The following SRGAP1 variants were observed in gnomAD, a reference collection of about 807,000 sequenced individuals.
SRGAP1 encodes the protein SLIT-ROBO Rho GTPase-activating protein 1.
Under a neutral mutation model 121.9 loss-of-function variants are expected in SRGAP1, and 43 were observed. The ratio of observed to expected loss-of-function variants is 0.35; its 90% CI spans 0.28 to 0.46. The LOEUF is 0.46. Among genes scored for constraint, SRGAP1 ranks in the 20% least tolerant of loss-of-function variants. The probability of loss-of-function intolerance (pLI) is 1.00; values close to 1 mark genes in which losing one functional copy is unlikely to be tolerated. For synonymous variants in SRGAP1, 447 were observed against 485.4 expected (o/e 0.92, Z 1.04); for missense variants, 1,102 against 1,350.9 (o/e 0.82, Z 2.89).
Position 64,108,935 on chromosome 12 carries a change from T to G in SRGAP1, c.1817T>G (p.Ile606Arg). ...CCATGTCATCTTCTGTCTGTAGGAA[T>G]AGATAATCTCTATGAGAGGGCGCTT... The part of the protein sequence containing the change: ...RFNDLISCIR[I>R]DNLYERALHI... The change falls in exon 16 of 22, where the codon ATA (isoleucine) becomes AGA (arginine). Residue 606 changes from isoleucine to arginine, a missense_variant. Ile to Arg is a moderately conservative substitution (Grantham distance 97, BLOSUM62 -3). Transcript: ENST00000355086. The G allele has an allele frequency of 6.3e-7, 1 of 1,594,236 alleles. No individual in the cohort carries two copies. Among genetic ancestry groups the G allele is most frequent in the Non-Finnish European group, 8.6e-7 (1 of 1,166,794 alleles).
Position 63,938,778 on chromosome 12 carries a change from G to A in SRGAP1, c.68-45169G>A, listed in dbSNP as rs559070795. ...TTCCAGCCTGAAATTCCTTTAAGTTGAATGAAAATTGACCTTAAAGGCATA... is the reference window on the plus strand; with the variant it reads ...TTCCAGCCTGAAATTCCTTTAAGTTAAATGAAAATTGACCTTAAAGGCATA... On this transcript the variant is annotated intron_variant, in intron 1 of 21. Coordinates refer to ENST00000355086, the MANE Select transcript of SRGAP1 (RefSeq NM_020762.4). Among the ~76,000 whole-genome samples the A allele has an allele frequency of 1.3e-4, 19 of 150,082 alleles. No homozygotes were observed. The South Asian group carries it at 3.8e-3, about 30-fold the overall frequency.
chr12:63,959,593 T>A (rs2032577713), intron 1 of SRGAP1, among the ~76,000 whole-genome samples: 1 of 152,198 alleles, frequency 6.6e-6, no homozygotes, highest in African/African-American at 2.4e-5. Context: ...GGGTTTTTTT[T>A]AAACTGTTAA....
intron 1 of SRGAP1, among the ~76,000 whole-genome samples, chr12:63,864,036 T>A (rs562404804): frequency 6.6e-6 from 1 of 152,366 alleles, no homozygotes; most frequent in Admixed American, 6.5e-5. Flanking sequence ...ATATTTCCAC[T>A]AAGGTTTCAG....
rs79896147 is a variant in SRGAP1 at position 64,011,913 on chromosome 12, G to A, written c.427-5037G>A. ...GGCAGATCACTTGAGCCCAGCCTGGGCAACATGGCAAAACCCTCTCTACAT... is the reference window on the plus strand; with the variant it reads ...GGCAGATCACTTGAGCCCAGCCTGGACAACATGGCAAAACCCTCTCTACAT... On this transcript the variant is annotated intron_variant, in intron 3 of 21. Coordinates refer to ENST00000355086, the MANE Select transcript of SRGAP1 (RefSeq NM_020762.4). 6.9e-3 allele frequency among the ~76,000 whole-genome samples: 1,042 copies of A among 152,044 alleles called. 11 individuals are homozygous for A. Among genetic ancestry groups the A allele is most frequent in the African/African-American group, 0.024 (975 of 41,364 alleles).
At chr12:64,058,494 G>A (rs979969621) in intron 6 of SRGAP1, among the ~76,000 whole-genome samples, 1 of 152,036 alleles carries the variant, frequency 6.6e-6, no homozygotes, top group African/African-American at 2.4e-5. Flanking sequence ...TGTCTTGACA[G>A]GTTTTCAGAT....
intron 1 of SRGAP1, among the ~76,000 whole-genome samples, chr12:63,934,679 A>G (rs2031600787): frequency 6.6e-6 from 1 of 152,146 alleles, no homozygotes; most frequent in Non-Finnish European, 1.5e-5. Flanking sequence ...CTCCATAAAT[A>G]TCCATAGACT....
At chr12:64,036,999 T>C (rs1301107448) in intron 4 of SRGAP1, among the ~76,000 whole-genome samples, 1 of 152,234 alleles carries the variant, frequency 6.6e-6, no homozygotes, top group East Asian at 1.9e-4. Flanking sequence ...CTGAAGACTC[T>C]GAATGAAGAG....
In SRGAP1 at chr12:64,077,547, C is replaced by G. The variant is rs140468810; in HGVS notation, c.1126-1372C>G. 2.4e-3 allele frequency among the ~76,000 whole-genome samples: 366 copies of G among 150,802 alleles called. 1 individual carries two copies. Among genetic ancestry groups the G allele is most frequent in the Middle Eastern group, 7.0e-3 (2 of 284 alleles). On this transcript the variant is annotated intron_variant, in intron 8 of 21. Coordinates refer to ENST00000355086, the MANE Select transcript of SRGAP1 (RefSeq NM_020762.4). Reference sequence around the variant, plus strand: ...GAGGAGTAAATGAAGTTAAGGTGTTCTAAACTCTTTACATTGTGTGACAGA... The same window carrying G: ...GAGGAGTAAATGAAGTTAAGGTGTTGTAAACTCTTTACATTGTGTGACAGA...
chr12:64,009,854 A>C (rs1383753937), intron 3 of SRGAP1, among the ~76,000 whole-genome samples: 2 of 152,204 alleles, frequency 1.3e-5, no homozygotes, highest in African/African-American at 4.8e-5. Context: ...GTAAGTACAA[A>C]ACCATGTCCC....
chr12:64,086,029 G>A (rs1045575113), intron 10 of SRGAP1, among the ~76,000 whole-genome samples: 8 of 152,186 alleles, frequency 5.3e-5, no homozygotes, highest in Admixed American at 3.9e-4. Flanking sequence ...TGGAAGTGTT[G>A]GTTCACCATT....
At chr12:64,071,609 C>T (rs2035636948) in intron 8 of SRGAP1, among the ~76,000 whole-genome samples, 1 of 152,128 alleles carries the variant, frequency 6.6e-6, no homozygotes, top group African/African-American at 2.4e-5. Context: ...TCAGGTCCAC[C>T]CTCATGGGTC....
intron 11 of SRGAP1, among the ~76,000 whole-genome samples, chr12:64,089,049 C>G (rs1436397134): frequency 6.6e-6 from 1 of 152,198 alleles, no homozygotes; most frequent in Non-Finnish European, 1.5e-5. Context: ...CCCAGAAGTA[C>G]TGCCCCTCCC....
chr12:63,891,296 C>T (rs957336537), intron 1 of SRGAP1, among the ~76,000 whole-genome samples: 7 of 152,232 alleles, frequency 4.6e-5, no homozygotes, highest in South Asian at 2.1e-4. Context: ...GCCTGTCCTA[C>T]GGGTGTGCCC....
intron 8 of SRGAP1, among the ~76,000 whole-genome samples, chr12:64,066,826 C>T (rs539752759): frequency 4.7e-4 from 72 of 152,280 alleles, no homozygotes; most frequent in African/African-American, 1.6e-3. Flanking sequence ...TCACAAAATA[C>T]CTAATGCAGT....
intron 1 of SRGAP1, among the ~76,000 whole-genome samples, chr12:63,858,320 A>G (rs1050593343): frequency 6.8e-6 from 1 of 146,420 alleles, no homozygotes; most frequent in African/African-American, 2.5e-5. Context: ...GTCGCTGTCT[A>G]TGTTTTTTTT....
intron 6 of SRGAP1, among the ~76,000 whole-genome samples, chr12:64,054,875 T>C (rs2035310006): frequency 7.0e-6 from 1 of 143,418 alleles, no homozygotes; most frequent in Non-Finnish European, 1.5e-5. Context: ...CTCCCAATGC[T>C]ATCCCTCCCC....
At chr12:64,067,064 T>C (rs2035554431) in intron 8 of SRGAP1, among the ~76,000 whole-genome samples, 1 of 152,202 alleles carries the variant, frequency 6.6e-6, no homozygotes, top group South Asian at 2.1e-4. Flanking sequence ...ACTCTGGCCC[T>C]GCACTGCCTC....
chr12:63,853,807 C>A (rs1899153483), intron 1 of SRGAP1, among the ~76,000 whole-genome samples: 1 of 152,230 alleles, frequency 6.6e-6, no homozygotes, highest in Non-Finnish European at 1.5e-5. Flanking sequence ...ATGTAAGAAT[C>A]TGACTTTCAA....
At chr12:63,865,254 A>C (rs1899586492) in intron 1 of SRGAP1, among the ~76,000 whole-genome samples, 1 of 152,124 alleles carries the variant, frequency 6.6e-6, no homozygotes, top group African/African-American at 2.4e-5. Flanking sequence ...AGATCACGTG[A>C]GGTCAGGAGT....
Sources: gnomAD v4.1 joint callset for allele counts (sites outside exome capture counted in the v4.1 genomes callset) on GRCh38, gnomAD v4.1.1 for gene constraint, MANE v1.5 for transcripts, NCBI Gene and HGNC (gene_info 2026-07-23, HGNC 2026-07-21) for gene names.